The following FBXW10 variants were observed in gnomAD, a reference collection of about 807,000 sequenced individuals.
The protein encoded by FBXW10 is F-box/WD repeat-containing protein 10.
Under a neutral mutation model 113.1 loss-of-function variants are expected in FBXW10, and 68 were observed. The ratio of observed to expected loss-of-function variants is 0.60; its 90% CI spans 0.49 to 0.74. The LOEUF (loss-of-function observed/expected upper bound fraction) is 0.74. FBXW10 is among the 30% of genes least tolerant of loss of function. The probability of loss-of-function intolerance (pLI) is 0.00; values close to 1 mark genes in which losing one functional copy is unlikely to be tolerated. For missense variants in FBXW10, 753 were observed against 1,284.5 expected, an observed-to-expected ratio of 0.59 and a Z score of 6.32; for synonymous variants, 289 against 481.6, an observed-to-expected ratio of 0.60 and a Z score of 5.24.
rs71954242 is a variant in FBXW10, at chr17:18,776,021, G to GAAA, written c.2335+840_2335+842dup. 9.5e-3 allele frequency among the ~76,000 whole-genome samples: 1,364 copies of GAAA among 143,888 alleles called. 31 individuals carry two copies. The highest frequency in any genetic ancestry group is 0.03 in the African/African-American group (1,156 of 38,904). 94.4% of individuals were successfully genotyped at this position (143,888 alleles called of 152,430 possible). On this transcript the variant is annotated intron_variant, in intron 13 of 13. Coordinates refer to ENST00000395665, the MANE Select transcript of FBXW10 (RefSeq NM_001267585.2). ...GTGAGACCTTGCCTCTTAAAGAAAAGAAAAAAAAAAAAAGTGGCCGGGCGC... is the reference window on the plus strand; with the variant it reads ...GTGAGACCTTGCCTCTTAAAGAAAAGAAAAAAAAAAAAAAAAGTGGCCGGGCGC...
chr17:18,769,892 G>C, intron 10 of FBXW10, 35 bp from the exon 11 acceptor site: 2 of 1,604,414 alleles, frequency 1.2e-6, no homozygotes, highest in Non-Finnish European at 1.7e-6. Flanking sequence ...TTTTACGAGA[G>C]GATGGGTACT....
intron 9 of FBXW10, among the ~76,000 whole-genome samples, chr17:18,768,026 T>TCTTCTTTCCTTC (rs2035533238): frequency 7.4e-6 from 1 of 135,680 alleles, no homozygotes; most frequent in African/African-American, 2.8e-5. Context: ...TTCCTTCCTT[T>TCTTCTTTCCTTC]CTTCCTTCCT....
intron 10 of FBXW10, chr17:18,769,516 C>T (rs1429551493): frequency 8.6e-5 from 14 of 162,798 alleles, no homozygotes; most frequent in Non-Finnish European, 1.9e-4. Flanking sequence ...GTGGCGCACG[C>T]CTGTAATCCC....
chr17:18,750,630 AT>A (rs55815282), intron 4 of FBXW10, among the ~76,000 whole-genome samples: 1 of 151,704 alleles, frequency 6.6e-6, no homozygotes, highest in Middle Eastern at 3.4e-3. Context: ...GGTAACTTGG[AT>A]TTTTTTTCCC....
chr17:18,764,051 A>C (rs2035438177), intron 7 of FBXW10, among the ~76,000 whole-genome samples: 1 of 145,284 alleles, frequency 6.9e-6, no homozygotes, highest in Non-Finnish European at 1.5e-5. Context: ...TATGCACTAG[A>C]TGCCAGTGGC....
intron 4 of FBXW10, 64 bp from the exon 5 acceptor site, chr17:18,750,867 G>C: frequency 6.4e-7 from 1 of 1,552,742 alleles, no homozygotes; most frequent in Middle Eastern, 1.8e-4. Flanking sequence ...CTCCTGCAGA[G>C]TTGGAGCCAA....
rs746970458 is a variant in FBXW10 at position 18,749,756 on chromosome 17, C to T, written c.705C>T (p.Ser235=). The T allele has an allele frequency of 2.5e-6, 4 of 1,614,102 alleles. No homozygotes were observed. In the South Asian group the frequency reaches 3.3e-5, roughly 13 times the overall value. The part of the protein sequence containing the change: ...EPWRNSLRCI[S]EMNRLFSGKG... ...GGAGGAATTCACTCCGGTGTATATCCGAAATGAATAGGCTGTTTTCTGGAA... is the reference window on the plus strand; with the variant it reads ...GGAGGAATTCACTCCGGTGTATATCTGAAATGAATAGGCTGTTTTCTGGAA... Residue 235 remains serine, a synonymous_variant, in exon 3 of 14, where the codon TCC becomes TCT. Transcript: ENST00000395665.
chr17:18,772,836 T>C (rs577133444), intron 12 of FBXW10, among the ~76,000 whole-genome samples, 153 bp downstream of exon 12: 1 of 152,174 alleles, frequency 6.6e-6, no homozygotes, highest in African/African-American at 2.4e-5. Flanking sequence ...TCCAGGAAGG[T>C]AGGAGCCATT....
Position 18,770,790 on chromosome 17 carries a change from G to C in FBXW10, c.2006+705G>C, listed in dbSNP as rs1322396591. Among the ~76,000 whole-genome samples the C allele has an allele frequency of 2.0e-5, 3 of 152,126 alleles. No homozygotes were observed. The East Asian group carries it at 5.8e-4, about 29-fold the overall frequency. ...TCTAATGCAAAGAGACATTATAGGA[G>C]AGTGGAGGGTGGCAGCAGCAGGGGG... On this transcript the variant is annotated intron_variant, in intron 11 of 13. Transcript: ENST00000395665.
rs144924038 is a variant in FBXW10 at position 18,751,289 on chromosome 17, A to G, written c.1122+236A>G. Among the ~76,000 whole-genome samples the G allele has an allele frequency of 8.9e-3, 1,343 of 151,458 alleles. 8 individuals are homozygous for G. The highest frequency in any genetic ancestry group is 0.026 in the African/African-American group (1,079 of 41,218). On this transcript the variant is annotated intron_variant, in intron 5 of 13. Coordinates refer to ENST00000395665, the MANE Select transcript of FBXW10 (RefSeq NM_001267585.2). ...CACCCAGGCTGGAGTGCAGTGGCAC[A>G]ATCTTGGCTCACTGCAAGCTCCGCC... is the stretch of plus-strand genomic sequence containing the variant.
chr17:18,744,473 C>T lies in FBXW10; in HGVS notation c.229C>T (p.Leu77Phe), dbSNP rs1032488908. 1.2e-6 allele frequency: 2 copies of T among 1,613,648 alleles called. No homozygotes were observed. The highest frequency in any genetic ancestry group is 2.7e-5 in the African/African-American group (2 of 74,814). ...LYLLHYFQNILQTTQGKDFIY... is the reference protein window; with the variant it reads ...LYLLHYFQNIFQTTQGKDFIY... ...TTTGTTACACTATTTCCAAAATATC[C>T]TTCAGACCACACAGGGAAAGGATTT... Residue 77 changes from leucine to phenylalanine, a missense_variant, in exon 1 of 14, where the codon CTT (leucine) becomes TTT (phenylalanine). By Grantham distance (22) the Leu-to-Phe change is conservative. Coordinates refer to ENST00000395665, the MANE Select transcript of FBXW10 (RefSeq NM_001267585.2).
At chr17:18,748,712 C>T (rs1437119488) in intron 2 of FBXW10, among the ~76,000 whole-genome samples, 1 of 152,176 alleles carries the variant, frequency 6.6e-6, no homozygotes, top group Non-Finnish European at 1.5e-5. Flanking sequence ...AGAAAGGAAA[C>T]TATCAATGAT....
rs533356846 is a variant in FBXW10, at chr17:18,768,997, G to A, written c.1847+321G>A. 1.8e-3 allele frequency among the ~76,000 whole-genome samples: 269 copies of A among 146,220 alleles called. 1 individual carries two copies. The highest frequency in any genetic ancestry group is 4.5e-3 in the African/African-American group (178 of 39,650). ...TGTTGCCAGGCTGGAGTGCAGTGGC[G>A]CAATCTTGGCTCACTGCAAGCTCTA... is the stretch of plus-strand genomic sequence containing the variant. On this transcript the variant is annotated intron_variant, in intron 10 of 13. Transcript: ENST00000395665.
Position 18,768,522 on chromosome 17 carries a change from C to A in FBXW10, c.1705-12C>A, listed in dbSNP as rs2035547834. On this transcript the variant is annotated splice_polypyrimidine_tract_variant and intron_variant, in intron 9 of 13. Transcript: ENST00000395665. The stretch of plus-strand genomic sequence containing the variant: ...CAGTCTGAGTTGAAGACAGTGGTAT[C>A]TTTTCTTGCAGACTCTCAGTGGCCA... The A allele has an allele frequency of 6.2e-7, 1 of 1,613,732 alleles. No homozygotes were observed. Among genetic ancestry groups the A allele is most frequent in the Non-Finnish European group, 8.5e-7 (1 of 1,179,914 alleles).
chr17:18,751,130 T>C, intron 5 of FBXW10, 77 bp downstream of exon 5: 1 of 1,596,108 alleles, frequency 6.3e-7, no homozygotes, highest in Non-Finnish European at 8.6e-7. Context: ...AGGTCCAGAC[T>C]CAGCCCTGGA....
chr17:18,761,598 A>G (rs539696689), intron 7 of FBXW10, among the ~76,000 whole-genome samples: 61 of 152,296 alleles, frequency 4.0e-4, no homozygotes, highest in African/African-American at 1.4e-3. Context: ...GCTATAGTAT[A>G]TAAGTTTTGA....
chr17:18,747,585 A>G (rs1467762246), intron 1 of FBXW10, among the ~76,000 whole-genome samples: 1 of 152,068 alleles, frequency 6.6e-6, no homozygotes, highest in Admixed American at 6.6e-5. Flanking sequence ...AACCAAAAAA[A>G]AGTTAAATGT....
intron 11 of FBXW10, among the ~76,000 whole-genome samples, chr17:18,771,630 A>G (rs8076246): frequency 0.84 from 127,071 of 152,028 alleles, 53,180 homozygotes; most frequent in Admixed American, 0.87. Context: ...ATGAAGGAGA[A>G]GAGGCCTCCC....
chr17:18,769,694 T>TTGTATC, intron 10 of FBXW10: 1 of 495,900 alleles, frequency 2.0e-6, no homozygotes, highest in Non-Finnish European at 3.5e-6. Flanking sequence ...GGAGAATCGC[T>TTGTATC]TGTATCTGGT....
Sources: gnomAD v4.1 joint callset for allele counts (sites outside exome capture counted in the v4.1 genomes callset) on GRCh38, gnomAD v4.1.1 for gene constraint, MANE v1.5 for transcripts, NCBI Gene and HGNC (gene_info 2026-07-23, HGNC 2026-07-21) for gene names.